Variants in SLC24A2 observed in about 807,000 individuals in gnomAD.
SLC24A2 encodes solute carrier family 24 member 2.
SLC24A2 carries 36 observed loss-of-function variants against 62.0 expected under a neutral mutation model. The ratio of observed to expected loss-of-function variants is 0.58; its 90% CI spans 0.44 to 0.77. The LOEUF (loss-of-function observed/expected upper bound fraction) is 0.77, where lower values mean the gene tolerates loss of function less well. Among genes scored for constraint, SLC24A2 ranks in the 30% least tolerant of loss-of-function variants. SLC24A2 has a pLI of 0.00. For synonymous variants in SLC24A2, 358 were observed against 294.0 expected, an observed-to-expected ratio of 1.22 and a Z score of -2.23; for missense variants, 846 against 817.9, an observed-to-expected ratio of 1.03 and a Z score of -0.42.
At chr9:19,690,741 G>A (rs1885233) in intron 2 of SLC24A2, among the ~76,000 whole-genome samples, 24,760 of 152,094 alleles carry the variant, frequency 0.16, 2,271 homozygotes, top group Middle Eastern at 0.23. Context: ...AAGTGATTCT[G>A]TAGGCTTTTA....
At chr9:19,958,553 C>G in the SLC24A2 span, among the ~76,000 whole-genome samples, 2 of 152,202 alleles carry the variant, frequency 1.3e-5, no homozygotes, top group Non-Finnish European at 2.9e-5. Context: ...CGAGCACGTG[C>G]TGTGCAAGTC....
the SLC24A2 span, among the ~76,000 whole-genome samples, chr9:19,830,587 T>C: frequency 6.6e-6 from 1 of 152,184 alleles, no homozygotes; most frequent in African/African-American, 2.4e-5. Context: ...CAGGGTAGAA[T>C]GAAATTGACT....
intron 2 of SLC24A2, among the ~76,000 whole-genome samples, chr9:19,636,392 TCTCTCTC>T (rs1818354349): frequency 1.9e-5 from 2 of 102,810 alleles, no homozygotes; most frequent in Admixed American, 1.1e-4. Flanking sequence ...TCTTTCTCCC[TCTCTCTC>T]TCTCTCTCTT....
At chr9:19,677,457 TATTAGGAA>T (rs1341990231) in intron 2 of SLC24A2, among the ~76,000 whole-genome samples, 1 of 152,052 alleles carries the variant, frequency 6.6e-6, no homozygotes, top group Non-Finnish European at 1.5e-5. Context: ...GGAGGTAGAG[TATTAGGAA>T]AAATAACTAA....
At chr9:19,555,958 A>G (rs1056858389) in intron 7 of SLC24A2, among the ~76,000 whole-genome samples, 1 of 152,188 alleles carries the variant, frequency 6.6e-6, no homozygotes, top group Non-Finnish European at 1.5e-5. Flanking sequence ...AAAAGACTCA[A>G]GAAAGAGAAT....
intron 2 of SLC24A2, among the ~76,000 whole-genome samples, chr9:19,751,495 A>G (rs1490783872): frequency 6.6e-6 from 1 of 152,140 alleles, no homozygotes; most frequent in African/African-American, 2.4e-5. Context: ...GGAGGATCCT[A>G]TTAAACTTTC....
the SLC24A2 span, among the ~76,000 whole-genome samples, chr9:19,799,315 A>T: frequency 6.6e-6 from 1 of 152,130 alleles, no homozygotes; most frequent in African/African-American, 2.4e-5. Context: ...TTTGCCTGAT[A>T]CACTTTTTCT....
chr9:20,174,572 C>T, the SLC24A2 span, among the ~76,000 whole-genome samples: 114 of 151,654 alleles, frequency 7.5e-4, 1 homozygote, highest in East Asian at 0.015. Flanking sequence ...AAAGAAGATA[C>T]ACAAATGGGC....
chr9:20,236,336 G>C, the SLC24A2 span, among the ~76,000 whole-genome samples: 1 of 152,046 alleles, frequency 6.6e-6, no homozygotes, highest in Non-Finnish European at 1.5e-5. Flanking sequence ...TATCTGAGTG[G>C]GGGAAAGGTA....
the SLC24A2 span, among the ~76,000 whole-genome samples, chr9:20,233,686 C>G: frequency 6.6e-6 from 1 of 152,130 alleles, no homozygotes; most frequent in African/African-American, 2.4e-5. Flanking sequence ...ATCCAATTTG[C>G]CAGTCTGTGT....
chr9:20,125,625 G>A, the SLC24A2 span, among the ~76,000 whole-genome samples: 4 of 152,118 alleles, frequency 2.6e-5, no homozygotes, highest in African/African-American at 7.2e-5. Flanking sequence ...CTGGGCCCAG[G>A]TCAGCACTAG....
chr9:19,973,263 G>T, the SLC24A2 span, among the ~76,000 whole-genome samples: 1 of 152,214 alleles, frequency 6.6e-6, no homozygotes, highest in Non-Finnish European at 1.5e-5. Context: ...ATTTATCCGG[G>T]ACATGATTTA....
chr9:19,597,156 A>C, intron 5 of SLC24A2, 73 bp downstream of exon 5: 1 of 987,326 alleles, frequency 1.0e-6, no homozygotes, highest in Non-Finnish European at 1.6e-6. Context: ...AAAAAAAAGA[A>C]TAAAAAATGG....
the SLC24A2 span, among the ~76,000 whole-genome samples, chr9:20,221,217 G>A: frequency 2.6e-5 from 4 of 152,058 alleles, no homozygotes; most frequent in Non-Finnish European, 4.4e-5. Context: ...GGTGGGGGGT[G>A]CAATTTGAAA....
chr9:20,175,756 T>G, the SLC24A2 span, among the ~76,000 whole-genome samples: 1 of 152,056 alleles, frequency 6.6e-6, no homozygotes, highest in Non-Finnish European at 1.5e-5. Flanking sequence ...TTATTACTCT[T>G]TAGTGATAAT....
the SLC24A2 span, among the ~76,000 whole-genome samples, chr9:20,095,270 A>G: frequency 1.8e-4 from 28 of 152,230 alleles, no homozygotes; most frequent in African/African-American, 4.6e-4. Context: ...GTAAACATTG[A>G]TAAAGATAAT....
At chr9:19,546,152 G>C (rs1037975609) in intron 8 of SLC24A2, among the ~76,000 whole-genome samples, 1 of 152,206 alleles carries the variant, frequency 6.6e-6, no homozygotes, top group East Asian at 1.9e-4. Flanking sequence ...CCCCTACTGG[G>C]AGCTGTCTCC....
At chr9:19,545,237 A>G (rs897150276) in intron 8 of SLC24A2, among the ~76,000 whole-genome samples, 2 of 151,652 alleles carry the variant, frequency 1.3e-5, no homozygotes, top group African/African-American at 4.8e-5. Flanking sequence ...ATAGTTGTGT[A>G]TGCTTCACAG....
chr9:19,580,836 C>T (rs962018424), intron 5 of SLC24A2, among the ~76,000 whole-genome samples: 23 of 152,096 alleles, frequency 1.5e-4, no homozygotes, highest in African/African-American at 5.6e-4. Context: ...ATCTGTTAAG[C>T]AGGGATTCCA....
Sources: allele counts gnomAD v4.1 joint callset (sites outside exome capture counted in the v4.1 genomes callset), GRCh38; gene constraint gnomAD v4.1.1; transcripts MANE v1.5; gene names NCBI Gene and HGNC (gene_info 2026-07-23, HGNC 2026-07-21).